SPAG16: variants seen among roughly 807,000 people sequenced by gnomAD.
The protein encoded by SPAG16 is sperm-associated antigen 16 protein.
SPAG16 carries 86 observed loss-of-function variants against 80.4 expected under a neutral mutation model. The observed-to-expected ratio is 1.07, with a 90% confidence interval of 0.90 to 1.28. The LOEUF (loss-of-function observed/expected upper bound fraction) is 1.28. Among genes scored for constraint, SPAG16 ranks in the 50% most tolerant of loss-of-function variants. The pLI is 0.00. For synonymous variants in SPAG16, 294 were observed against 265.9 expected, an observed-to-expected ratio of 1.11 and a Z score of -1.03; for missense variants, 870 against 765.3, an observed-to-expected ratio of 1.14 and a Z score of -1.61.
intron 15 of SPAG16, among the ~76,000 whole-genome samples, chr2:214,278,521 A>G (rs1049376007): frequency 1.3e-5 from 2 of 152,204 alleles, no homozygotes; most frequent in Non-Finnish European, 1.5e-5. Context: ...GAACTGTATC[A>G]TACAGTGGTA....
chr2:213,422,397 G>A (rs764440848), intron 9 of SPAG16: 6 of 658,310 alleles, frequency 9.1e-6, no homozygotes, highest in Admixed American at 8.4e-5. Context: ...CAGCTGGCAT[G>A]CCTGGCTGTG....
chr2:213,388,409 G>T (rs2067562843), intron 9 of SPAG16, among the ~76,000 whole-genome samples: 1 of 152,140 alleles, frequency 6.6e-6, no homozygotes, highest in African/African-American at 2.4e-5. Flanking sequence ...CCACTTTGGG[G>T]AGCCAAACAT....
chr2:213,438,675 G>T (rs1040849509), intron 9 of SPAG16, among the ~76,000 whole-genome samples: 1 of 152,172 alleles, frequency 6.6e-6, no homozygotes, highest in Non-Finnish European at 1.5e-5. Flanking sequence ...GGCAAAACCT[G>T]TAAGTATGAC....
chr2:214,209,799 C>T (rs2058241678), intron 15 of SPAG16, among the ~76,000 whole-genome samples: 1 of 152,094 alleles, frequency 6.6e-6, no homozygotes, highest in South Asian at 2.1e-4. Context: ...TGCAACCTTC[C>T]ATAGTCAATA....
intron 15 of SPAG16, among the ~76,000 whole-genome samples, chr2:214,303,746 A>T (rs541034015): frequency 3.3e-5 from 5 of 152,210 alleles, no homozygotes; most frequent in Non-Finnish European, 7.3e-5. Context: ...AGGAATGCTT[A>T]TAAGTTATAG....
At chr2:213,704,842 T>C (rs1264836350) in intron 10 of SPAG16, among the ~76,000 whole-genome samples, 1 of 152,162 alleles carries the variant, frequency 6.6e-6, no homozygotes, top group East Asian at 1.9e-4. Context: ...ACTCTATTTG[T>C]AGTGCAGTCA....
At chr2:213,629,301 G>A (rs979029730) in intron 10 of SPAG16, among the ~76,000 whole-genome samples, 3 of 152,172 alleles carry the variant, frequency 2.0e-5, no homozygotes, top group Non-Finnish European at 4.4e-5. Context: ...CTTAGCCATT[G>A]CAACCAAGGA....
intron 10 of SPAG16, among the ~76,000 whole-genome samples, chr2:213,618,471 G>A (rs2061669563): frequency 6.6e-6 from 1 of 152,152 alleles, no homozygotes; most frequent in African/African-American, 2.4e-5. Flanking sequence ...TAAAGTATCT[G>A]CTTTCCTCAA....
At chr2:213,958,158 G>A (rs746816282) in intron 12 of SPAG16, among the ~76,000 whole-genome samples, 1 of 152,268 alleles carries the variant, frequency 6.6e-6, no homozygotes, top group East Asian at 1.9e-4. Context: ...CCCTTATTGG[G>A]GTCCAGAGTG....
intron 13 of SPAG16, among the ~76,000 whole-genome samples, chr2:214,024,402 G>T (rs1293671321): frequency 6.6e-6 from 1 of 151,466 alleles, no homozygotes. Flanking sequence ...TTTAGATATA[G>T]TAAATATAGA....
chr2:213,652,344 A>T (rs1021895080), intron 10 of SPAG16, among the ~76,000 whole-genome samples: 3 of 152,096 alleles, frequency 2.0e-5, no homozygotes, highest in Admixed American at 6.6e-5. Flanking sequence ...TTCACCAATA[A>T]TCATTCACCC....
intron 9 of SPAG16, among the ~76,000 whole-genome samples, chr2:213,428,865 G>A (rs989063216): frequency 2.0e-5 from 3 of 152,082 alleles, no homozygotes; most frequent in Admixed American, 6.6e-5. Context: ...GCTGAGGTGG[G>A]CAGGTCACGA....
chr2:213,419,297 T>G (rs2069451755), intron 9 of SPAG16, among the ~76,000 whole-genome samples: 1 of 152,194 alleles, frequency 6.6e-6, no homozygotes, highest in South Asian at 2.1e-4. Flanking sequence ...CTCAGGACCT[T>G]ATGTTGTTTT....
At chr2:214,226,209 A>C (rs1421643654) in intron 15 of SPAG16, among the ~76,000 whole-genome samples, 1 of 152,076 alleles carries the variant, frequency 6.6e-6, no homozygotes, top group Non-Finnish European at 1.5e-5. Context: ...GGTAGGGGCT[A>C]GCCCGTCTAG....
intron 10 of SPAG16, among the ~76,000 whole-genome samples, chr2:213,620,186 T>C (rs922560718): frequency 2.0e-5 from 3 of 151,716 alleles, no homozygotes; most frequent in African/African-American, 7.3e-5. Context: ...GAAAAAAAGG[T>C]TGGTCCATGG....
chr2:214,308,848 A>G (rs1695100419), intron 15 of SPAG16, among the ~76,000 whole-genome samples: 1 of 152,022 alleles, frequency 6.6e-6, no homozygotes, highest in Non-Finnish European at 1.5e-5. Context: ...CTTGGAGCAT[A>G]TGAAGATTAT....
intron 15 of SPAG16, among the ~76,000 whole-genome samples, chr2:214,181,386 G>A (rs1340785201): frequency 6.6e-6 from 1 of 151,742 alleles, no homozygotes; most frequent in Non-Finnish European, 1.5e-5. Context: ...TGACATGACA[G>A]AAAGTATGAT....
At chr2:213,927,158 G>A (rs564683830) in intron 11 of SPAG16, among the ~76,000 whole-genome samples, 1 of 152,272 alleles carries the variant, frequency 6.6e-6, no homozygotes, top group Admixed American at 6.5e-5. Context: ...GGCACTAATC[G>A]TATTACAGGG....
intron 10 of SPAG16, among the ~76,000 whole-genome samples, chr2:213,632,059 A>G (rs1229820705): frequency 6.6e-6 from 1 of 152,090 alleles, no homozygotes; most frequent in African/African-American, 2.4e-5. Flanking sequence ...TTGAATCTGT[A>G]GATTGTTTTA....
Sources: allele counts gnomAD v4.1 joint callset (sites outside exome capture counted in the v4.1 genomes callset), GRCh38; gene constraint gnomAD v4.1.1; transcripts MANE v1.5; gene names NCBI Gene and HGNC (gene_info 2026-07-23, HGNC 2026-07-21).